Variants in NUFIP2 observed in about 807,000 individuals in gnomAD.
The protein encoded by NUFIP2 is nuclear FMR1 interacting protein 2.
NUFIP2 carries 6 observed loss-of-function variants against 56.9 expected under a neutral mutation model. The observed-to-expected ratio is 0.11, with a 90% CI of 0.06 to 0.21. The LOEUF (loss-of-function observed/expected upper bound fraction) is 0.21, where lower values mean the gene tolerates loss of function less well. Among genes scored for constraint, NUFIP2 ranks in the 10% least tolerant of loss-of-function variants. The pLI is 1.00. For missense variants in NUFIP2, 828 were observed against 826.8 expected (o/e 1.00, Z -0.02); for synonymous variants, 321 against 298.2 (o/e 1.08, Z -0.79).
At chr17:29,292,337 AC>A (rs987095489) in intron 1 of NUFIP2, among the ~76,000 whole-genome samples, 23 of 151,046 alleles carry the variant, frequency 1.5e-4, no homozygotes, top group African/African-American at 5.4e-4. Context: ...AAAATCCCTC[AC>A]CTCAAAGACA....
At position 29,279,920 on chromosome 17, in the gene NUFIP2, G is replaced by C. The variant is rs146657936; in HGVS notation, c.2002+6072C>G. On this transcript the variant is annotated intron_variant, in intron 2 of 3. Coordinates refer to ENST00000225388, the MANE Select transcript of NUFIP2 (RefSeq NM_020772.3). ...TGCAACTTCCACCTCCCAGATTCAA[G>C]CGATTCTCCCACCTCAGCCTCCCAA... 3.5e-3 allele frequency among the ~76,000 whole-genome samples: 538 copies of C among 152,206 alleles called. 4 individuals are homozygous for C. Among genetic ancestry groups the C allele is most frequent in the Middle Eastern group, 0.017 (5 of 294 alleles).
intron 2 of NUFIP2, among the ~76,000 whole-genome samples, chr17:29,281,470 C>T (rs968950889): frequency 6.6e-6 from 1 of 150,670 alleles, no homozygotes; most frequent in Non-Finnish European, 1.5e-5. Flanking sequence ...CCAGCCTCAA[C>T]AACACAGCAA....
rs1437667912 is a variant in NUFIP2, at chr17:29,264,127, G to A, written c.*412C>T. On this transcript the variant is annotated 3_prime_UTR_variant, in exon 4 of 4. Transcript: ENST00000225388. ...CACTTCAGTCACAGAACAAGATACAGAGATCTTTTAAGTGGATTTGCCTTT... is the reference window on the plus strand; with the variant it reads ...CACTTCAGTCACAGAACAAGATACAAAGATCTTTTAAGTGGATTTGCCTTT... 1 of 152,648 alleles carries A rather than the reference G, an allele frequency of 6.6e-6. No homozygotes were observed. Among genetic ancestry groups the A allele is most frequent in the Non-Finnish European group, 1.5e-5 (1 of 68,084 alleles). 9.5% of individuals were successfully genotyped at this position (152,648 alleles called of 1,614,324 possible). A position where few individuals can be genotyped will look rare whatever the true frequency, so the allele number is the denominator to read the frequency against.
intron 2 of NUFIP2, among the ~76,000 whole-genome samples, chr17:29,282,479 C>T (rs1307814257): frequency 1.3e-5 from 2 of 150,224 alleles, no homozygotes; most frequent in Non-Finnish European, 3.0e-5. Flanking sequence ...ACCCAGGGGG[C>T]GGAGGTTGCA....
At chr17:29,273,031 T>C (rs1397898598) in intron 2 of NUFIP2, among the ~76,000 whole-genome samples, 2 of 94,848 alleles carry the variant, frequency 2.1e-5, no homozygotes, top group Non-Finnish European at 4.2e-5. Flanking sequence ...TATATATATA[T>C]ATACACACAC....
chr17:29,289,502 G>T (rs1364361242), intron 1 of NUFIP2, among the ~76,000 whole-genome samples: 2 of 152,102 alleles, frequency 1.3e-5, no homozygotes, highest in Non-Finnish European at 2.9e-5. Flanking sequence ...TGAGGCAGGA[G>T]AATGGCTTGA....
At position 29,271,464 on chromosome 17, in the gene NUFIP2, T is replaced by C. The variant is rs900281030; in HGVS notation, c.2003-3934A>G. Among the ~76,000 whole-genome samples the C allele has an allele frequency of 3.0e-4, 46 of 151,146 alleles. 1 individual carries two copies. Among genetic ancestry groups the C allele is most frequent in the African/African-American group, 1.1e-3 (45 of 41,042 alleles). ...AGGCAGGAGAATCACTTGAACCCCG[T>C]AGACGGAGGTTGCAGTGAGCCGAGA... On this transcript the variant is annotated intron_variant, in intron 2 of 3. Transcript: ENST00000225388.
rs781632354 is a variant in NUFIP2 at position 29,287,145 on chromosome 17, T to A, written c.849A>T (p.Glu283Asp). 1.2e-6 allele frequency: 2 copies of A among 1,614,174 alleles called. No individual in the cohort carries two copies. The highest frequency in any genetic ancestry group is 1.3e-5 in the African/African-American group (1 of 75,052). The change falls in exon 2 of 4, where the codon GAA (glutamate) becomes GAT (aspartate). Residue 283 changes from glutamate (E) to aspartate (D), a missense_variant. Physicochemically the swap from Glu to Asp is conservative, Grantham distance 45 (BLOSUM62 2). This residue lies in a region of NUFIP2 where 415 missense variants were observed against 408.7 expected (regional missense o/e 1.02). Coordinates refer to ENST00000225388, the MANE Select transcript of NUFIP2 (RefSeq NM_020772.3). ...CTCGACTTGTTCCTCCAGGCCCAGTTTCATACTTCCAAATGGGCTTCGAAC... is the reference window on the plus strand; with the variant it reads ...CTCGACTTGTTCCTCCAGGCCCAGTATCATACTTCCAAATGGGCTTCGAAC... ...VDGSKPIWKYETGPGGTSRGK... is the reference protein window; with the variant it reads ...VDGSKPIWKYDTGPGGTSRGK...
Position 29,286,136 on chromosome 17 carries a change from C to T in NUFIP2, c.1858G>A (p.Glu620Lys), listed in dbSNP as rs776688648. The change falls in exon 2 of 4, where the codon GAG becomes AAG. Residue 620 changes from glutamate to lysine, a missense_variant. Around this residue, in one of 3 missense-constraint regions of NUFIP2, gnomAD observed 404 missense variants for 380.3 expected, o/e 1.06. Transcript: ENST00000225388. ...GALVFLSKDY[E>K]IESQNPLASP... is the part of the protein sequence containing the mutation. ...GCCAGAGGATTTTGACTTTCTATCT[C>T]GTAGTCCTTTGAGAGAAACACTAAA... is the stretch of plus-strand genomic sequence containing the variant. 6 of 1,614,094 alleles carry T rather than the reference C, an allele frequency of 3.7e-6. No homozygotes were observed. The highest frequency in any genetic ancestry group is 1.1e-5 in the South Asian group (1 of 91,082).
intron 2 of NUFIP2, among the ~76,000 whole-genome samples, chr17:29,285,593 G>A (rs1378222801): frequency 1.3e-5 from 2 of 150,462 alleles, no homozygotes; most frequent in African/African-American, 4.9e-5. Flanking sequence ...CCATCTCAAA[G>A]AAAAAAAACA....
intron 2 of NUFIP2, among the ~76,000 whole-genome samples, chr17:29,268,793 T>A (rs769050077): frequency 2.0e-5 from 3 of 151,934 alleles, no homozygotes; most frequent in Non-Finnish European, 4.4e-5. Context: ...CCCCCCAAAG[T>A]GCTGGGATTA....
chr17:29,289,967 A>G (rs2069200747), intron 1 of NUFIP2, among the ~76,000 whole-genome samples: 1 of 152,058 alleles, frequency 6.6e-6, no homozygotes, highest in Non-Finnish European at 1.5e-5. Context: ...TCTGTGGCCC[A>G]GGTTGAAGTG....
chr17:29,285,117 A>T lies in NUFIP2; in HGVS notation c.2002+875T>A, dbSNP rs183771228. Among the ~76,000 whole-genome samples, 295 of 152,122 alleles carry T rather than the reference A, an allele frequency of 1.9e-3. 1 individual carries two copies. The highest frequency in any genetic ancestry group is 6.9e-3 in the African/African-American group (285 of 41,486). ...GAAGTTTGAGATCAGCCTGGCCAAC[A>T]CGGGGAAACCCGTGTCTACTGAAAA... On this transcript the variant is annotated intron_variant, in intron 2 of 3. Coordinates refer to ENST00000225388, the MANE Select transcript of NUFIP2 (RefSeq NM_020772.3).
intron 2 of NUFIP2, among the ~76,000 whole-genome samples, chr17:29,283,427 C>T (rs543303979): frequency 3.3e-5 from 5 of 152,172 alleles, no homozygotes; most frequent in Non-Finnish European, 7.3e-5. Flanking sequence ...AGACCTGGAT[C>T]TCCCAGGGAC....
At chr17:29,264,688 A>G in intron 3 of NUFIP2, 97 bp from the exon 4 acceptor site, 1 of 724,756 alleles carries the variant, frequency 1.4e-6, no homozygotes, top group Non-Finnish European at 2.4e-6. Context: ...TAAACTGACC[A>G]ATTTTTTTAT....
At position 29,287,407 on chromosome 17, in the gene NUFIP2, C is replaced by A; in HGVS notation, c.587G>T (p.Gly196Val). ...IPNGVVTNNS[G>V]YITNGYMGKG... ...ACCCATATAACCATTAGTAATATAA[C>A]CAGAATTATTTGTTACCACACCATT... The change falls in exon 2 of 4, where the codon GGT (glycine) becomes GTT (valine). Residue 196 changes from glycine (G) to valine (V), a missense_variant. Transcript: ENST00000225388. 6.2e-7 allele frequency: 1 copy of A among 1,613,916 alleles called. No homozygotes were observed. Among genetic ancestry groups the A allele is most frequent in the East Asian group, 2.2e-5 (1 of 44,890 alleles).
intron 3 of NUFIP2, among the ~76,000 whole-genome samples, chr17:29,265,291 T>A (rs1456674341): frequency 7.6e-6 from 1 of 131,694 alleles, no homozygotes; most frequent in Non-Finnish European, 1.6e-5. Flanking sequence ...ATTTTTATTT[T>A]TTTATTTTAT....
In NUFIP2 at chr17:29,258,205, C is replaced by T. The variant is rs1485902502; in HGVS notation, c.*6334G>A. 1 of 152,084 alleles carries T rather than the reference C, an allele frequency of 6.6e-6. No homozygotes were observed. Among genetic ancestry groups the T allele is most frequent in the African/African-American group, 2.4e-5 (1 of 41,404 alleles). The allele number at this position is 152,084 out of a possible 1,614,324, so 9.4% of individuals were successfully genotyped here. ...AAAATATAACCAGATAGCTTTGGCC[C>T]ACACATCTTTCTCATTCCTCCACCT... On this transcript the variant is annotated 3_prime_UTR_variant, in exon 4 of 4. Coordinates refer to ENST00000225388, the MANE Select transcript of NUFIP2 (RefSeq NM_020772.3).
In NUFIP2 at chr17:29,264,289, G is replaced by A. The variant is rs1321008806; in HGVS notation, c.*250C>T. Reference sequence around the variant, plus strand: ...GAAGAAAAAAAACCTATTCAGTACCGGAGATTAAATAACCATGTGTAGTCT... The same window carrying A: ...GAAGAAAAAAAACCTATTCAGTACCAGAGATTAAATAACCATGTGTAGTCT... On this transcript the variant is annotated 3_prime_UTR_variant, in exon 4 of 4. Coordinates refer to ENST00000225388, the MANE Select transcript of NUFIP2 (RefSeq NM_020772.3). The A allele has an allele frequency of 1.2e-5, 2 of 168,066 alleles. No individual in the cohort carries two copies. The highest frequency in any genetic ancestry group is 2.5e-5 in the Non-Finnish European group (2 of 79,868). 10.4% of individuals were successfully genotyped at this position (168,066 alleles called of 1,614,324 possible).
Sources: gnomAD v4.1 joint callset for allele counts (sites outside exome capture counted in the v4.1 genomes callset) on GRCh38, gnomAD v4.1.1 for gene constraint, gnomAD v4.1.1 regional missense constraint, MANE v1.5 for transcripts, NCBI Gene and HGNC (gene_info 2026-07-23, HGNC 2026-07-21) for gene names.